AUTS2: variants seen among roughly 807,000 people sequenced by gnomAD.
The protein encoded by AUTS2 is activator of transcription and developmental regulator AUTS2.
A neutral mutation model predicts 112.4 loss-of-function variants in AUTS2; 17 were observed. That is an observed-to-expected ratio of 0.15 (90% CI 0.10 to 0.23). The LOEUF (loss-of-function observed/expected upper bound fraction) is 0.23, where lower values mean the gene tolerates loss of function less well. Ranked by LOEUF, AUTS2 falls within the 10% of genes least tolerant of loss-of-function variation. The probability of loss-of-function intolerance (pLI) is 1.00; values close to 1 mark genes in which losing one functional copy is unlikely to be tolerated. For missense variants in AUTS2, 1,510 were observed against 1,701.6 expected (o/e 0.89, Z 1.98); for synonymous variants, 751 against 702.7 (o/e 1.07, Z -1.09).
At chr7:70,640,452 A>G (rs994987038) in intron 5 of AUTS2, among the ~76,000 whole-genome samples, 13 of 151,876 alleles carry the variant, frequency 8.6e-5, no homozygotes, top group African/African-American at 1.7e-4. Context: ...ACCATAAAAA[A>G]TCCTGCATGA....
chr7:70,018,223 G>T (rs1251039756), intron 2 of AUTS2, among the ~76,000 whole-genome samples: 1 of 150,154 alleles, frequency 6.7e-6, no homozygotes, highest in Non-Finnish European at 1.5e-5. Flanking sequence ...TTTTTTTAAC[G>T]CCTTTAACTA....
At chr7:69,722,902 C>T (rs967993765) in intron 1 of AUTS2, among the ~76,000 whole-genome samples, 1 of 152,036 alleles carries the variant, frequency 6.6e-6, no homozygotes, top group Admixed American at 6.6e-5. Context: ...TACTCACACC[C>T]ATTTCCAGAG....
intron 2 of AUTS2, among the ~76,000 whole-genome samples, chr7:70,014,471 T>C (rs1381504932): frequency 6.6e-6 from 1 of 152,240 alleles, no homozygotes; most frequent in African/African-American, 2.4e-5. Context: ...CTGGTTCTCA[T>C]TGCAATATTT....
chr7:70,307,113 G>A (rs1789528863), intron 4 of AUTS2, among the ~76,000 whole-genome samples: 1 of 152,176 alleles, frequency 6.6e-6, no homozygotes, highest in South Asian at 2.1e-4. Context: ...TAGCTCAACA[G>A]CTTATTTTGA....
rs60553891 is a variant in AUTS2, at chr7:69,850,398, CAAAAAAAAAAAAAAAAAA to C, written c.310-48868_310-48851del. On this transcript the variant is annotated intron_variant, in intron 1 of 18. Coordinates refer to ENST00000342771, the MANE Select transcript of AUTS2 (RefSeq NM_015570.4). Reference sequence around the variant, plus strand: ...TGGGCAACAGAGCGAAACTCTGTCTCAAAAAAAAAAAAAAAAAAAAAAAAAAAAAAAAAAAAAGTCAGA... The same window carrying C: ...TGGGCAACAGAGCGAAACTCTGTCTCAAAAAAAAAAAAAAAAAAAGTCAGA... Among the ~76,000 whole-genome samples, 25 of 34,678 alleles carry C rather than the reference CAAAAAAAAAAAAAAAAAA, an allele frequency of 7.2e-4. 1 individual carries two copies. The highest frequency in any genetic ancestry group is 5.1e-3 in the South Asian group (3 of 594). The allele number at this position is 34,678 out of a possible 152,430, so 22.8% of individuals were successfully genotyped here.
intron 5 of AUTS2, among the ~76,000 whole-genome samples, chr7:70,464,645 G>A (rs1378423303): frequency 6.6e-6 from 1 of 152,122 alleles, no homozygotes. Context: ...ATTGATCAGG[G>A]GTTAAGGTAT....
chr7:69,837,923 T>G (rs1393702852), intron 1 of AUTS2, among the ~76,000 whole-genome samples: 1 of 152,210 alleles, frequency 6.6e-6, no homozygotes, highest in African/African-American at 2.4e-5. Context: ...GGATCTCTGT[T>G]GAGCAGCAGC....
At chr7:69,819,167 G>A (rs1030440368) in intron 1 of AUTS2, among the ~76,000 whole-genome samples, 10 of 152,182 alleles carry the variant, frequency 6.6e-5, no homozygotes, top group Admixed American at 5.2e-4. Flanking sequence ...GAAGGGAATT[G>A]TGCAACACAT....
intron 2 of AUTS2, among the ~76,000 whole-genome samples, chr7:70,058,426 G>T (rs982090867): frequency 6.6e-6 from 1 of 152,094 alleles, no homozygotes; most frequent in Admixed American, 6.6e-5. Context: ...GGAAAGTTAG[G>T]TTTCCATGTA....
At chr7:70,627,213 T>C (rs1260686191) in intron 5 of AUTS2, among the ~76,000 whole-genome samples, 6 of 152,208 alleles carry the variant, frequency 3.9e-5, no homozygotes, top group Non-Finnish European at 7.3e-5. Context: ...TTCTGACTGG[T>C]GTGAGATGAT....
At chr7:70,162,534 A>C (rs151013306) in intron 4 of AUTS2, among the ~76,000 whole-genome samples, 1 of 141,030 alleles carries the variant, frequency 7.1e-6, no homozygotes, top group Admixed American at 7.2e-5. Context: ...TTAAAATTCT[A>C]TGTTGTTCCC....
chr7:69,625,751 G>A lies in AUTS2; in HGVS notation c.309+25789G>A, dbSNP rs1000537211. Among the ~76,000 whole-genome samples the A allele has an allele frequency of 3.9e-5, 6 of 152,148 alleles. 1 individual carries two copies. The East Asian group carries it at 7.7e-4, about 20-fold the overall frequency. ...CTTACAATGGTAGTCCTGTCTACTC[G>A]GGAGGCTGAGGCAGTAGGATCACCT... On this transcript the variant is annotated intron_variant, in intron 1 of 18. Coordinates refer to ENST00000342771, the MANE Select transcript of AUTS2 (RefSeq NM_015570.4).
chr7:69,995,487 A>G (rs574786602), intron 2 of AUTS2, among the ~76,000 whole-genome samples: 2 of 152,312 alleles, frequency 1.3e-5, no homozygotes, highest in East Asian at 1.9e-4. Flanking sequence ...GACATTTTTC[A>G]GAAGGGTTCT....
intron 1 of AUTS2, among the ~76,000 whole-genome samples, chr7:69,745,659 T>G (rs1787458786): frequency 6.6e-6 from 1 of 152,176 alleles, no homozygotes; most frequent in African/African-American, 2.4e-5. Context: ...TTATGCAAAT[T>G]CCAATATAGA....
chr7:70,610,691 A>G (rs1804049847), intron 5 of AUTS2, among the ~76,000 whole-genome samples: 1 of 152,070 alleles, frequency 6.6e-6, no homozygotes, highest in African/African-American at 2.4e-5. Context: ...CCTAACAAGT[A>G]TGAGGTGATA....
intron 5 of AUTS2, among the ~76,000 whole-genome samples, chr7:70,483,285 T>C (rs986493597): frequency 2.0e-5 from 3 of 152,152 alleles, no homozygotes; most frequent in African/African-American, 7.2e-5. Flanking sequence ...CAAAGGACTA[T>C]GTGATGAGGA....
chr7:70,178,426 T>G (rs1299304627), intron 4 of AUTS2, among the ~76,000 whole-genome samples: 1 of 152,214 alleles, frequency 6.6e-6, no homozygotes, highest in African/African-American at 2.4e-5. Context: ...AGGATTTTTA[T>G]GGAAAGCTGT....
At chr7:70,326,599 G>A (rs1226075526) in intron 4 of AUTS2, among the ~76,000 whole-genome samples, 1 of 152,200 alleles carries the variant, frequency 6.6e-6, no homozygotes, top group Non-Finnish European at 1.5e-5. Context: ...TTGGCTAGAA[G>A]ACAGTAGAGG....
chr7:70,451,546 G>A lies in AUTS2; in HGVS notation c.690+15765G>A, dbSNP rs375873036. On this transcript the variant is annotated intron_variant, in intron 5 of 18. Transcript: ENST00000342771. ...ATGTACATTTCAGTAGTAATGGTAA[G>A]CACACTCACATGGTTGTGCAACCTA... 2.0e-4 allele frequency among the ~76,000 whole-genome samples: 30 copies of A among 152,082 alleles called. No homozygotes were observed. In the East Asian group the frequency reaches 5.0e-3, roughly 26 times the overall value.
Sources: gnomAD v4.1 joint callset for allele counts (sites outside exome capture counted in the v4.1 genomes callset) on GRCh38, gnomAD v4.1.1 for gene constraint, MANE v1.5 for transcripts, NCBI Gene and HGNC (gene_info 2026-07-23, HGNC 2026-07-21) for gene names.